Variants in CDKL4 observed in about 807,000 individuals in gnomAD.
The protein encoded by CDKL4 is cyclin dependent kinase like 4.
In CDKL4, 44 loss-of-function variants were observed where a neutral mutation model predicts 42.0. That is an observed-to-expected ratio of 1.05 (90% CI 0.82 to 1.35). The LOEUF (loss-of-function observed/expected upper bound fraction) is 1.35, where lower values mean the gene tolerates loss of function less well. CDKL4 is among the 40% of genes most tolerant of loss of function. The pLI is 0.00. For synonymous variants in CDKL4, 120 were observed against 121.6 expected (o/e 0.99, Z 0.09); for missense variants, 393 against 369.9 (o/e 1.06, Z -0.51).
intron 3 of CDKL4, among the ~76,000 whole-genome samples, chr2:39,219,537 T>TG (rs1678173939): frequency 1.3e-5 from 2 of 152,012 alleles, no homozygotes; most frequent in Non-Finnish European, 2.9e-5. Flanking sequence ...TCTCCTGCCT[T>TG]AGCCTCCTGA....
At chr2:39,196,670 TG>T (rs938345386) in intron 5 of CDKL4, among the ~76,000 whole-genome samples, 1 of 152,150 alleles carries the variant, frequency 6.6e-6, no homozygotes, top group Non-Finnish European at 1.5e-5. Context: ...TGCAGTGGTG[TG>T]ATCTTGGCTC....
At chr2:39,226,434 A>AATTATATATATATTATATATAT (rs1678720933) in intron 2 of CDKL4, among the ~76,000 whole-genome samples, 2 of 101,572 alleles carry the variant, frequency 2.0e-5, no homozygotes, top group Non-Finnish European at 4.3e-5. Context: ...TATTTATATA[A>AATTATATATATATTATATATAT]ATTATATATA....
chr2:39,226,096 G>T, intron 2 of CDKL4, 136 bp from the exon 3 acceptor site: 3 of 767,460 alleles, frequency 3.9e-6, no homozygotes, highest in African/African-American at 1.8e-5. Context: ...TAACAAAATT[G>T]CTTGAATCTC....
intron 5 of CDKL4, among the ~76,000 whole-genome samples, chr2:39,197,033 G>C (rs899135340): frequency 2.0e-5 from 3 of 152,128 alleles, no homozygotes; most frequent in Non-Finnish European, 2.9e-5. Context: ...GCCAATCAAG[G>C]AGGCACCAGA....
chr2:39,170,560 G>C, the CDKL4 span, among the ~76,000 whole-genome samples: 184 of 152,028 alleles, frequency 1.2e-3, no homozygotes, highest in African/African-American at 4.3e-3. Context: ...GGATTCAAGC[G>C]ATTCTCTTGC....
In CDKL4 at chr2:39,185,339, T is replaced by C. The variant is rs1204223499; in HGVS notation, c.736-692A>G. On this transcript the variant is annotated intron_variant, in intron 7 of 9. Transcript: ENST00000451199. Reference sequence around the variant, plus strand: ...ATACATATATATACACATATGTATATATATACACATATGTATATATACATA... The same window carrying C: ...ATACATATATATACACATATGTATACATATACACATATGTATATATACATA... 9.1e-5 allele frequency among the ~76,000 whole-genome samples: 10 copies of C among 109,452 alleles called. 1 individual carries two copies. Among genetic ancestry groups the C allele is most frequent in the Admixed American group, 7.5e-4 (7 of 9,350 alleles). 71.8% of individuals were successfully genotyped at this position (109,452 alleles called of 152,430 possible). A position where few individuals can be genotyped will look rare whatever the true frequency, so the allele number is the denominator to read the frequency against.
At chr2:39,212,273 G>T (rs185442800) in intron 4 of CDKL4, among the ~76,000 whole-genome samples, 4 of 148,144 alleles carry the variant, frequency 2.7e-5, no homozygotes, top group African/African-American at 1.0e-4. Flanking sequence ...TCACACTGTC[G>T]CCCAGGCTGG....
intron 5 of CDKL4, among the ~76,000 whole-genome samples, chr2:39,191,908 GC>G (rs1396866421): frequency 6.6e-6 from 1 of 152,192 alleles, no homozygotes; most frequent in Non-Finnish European, 1.5e-5. Context: ...GAGGTAATGG[GC>G]AATTCTCCTT....
intron 6 of CDKL4, among the ~76,000 whole-genome samples, chr2:39,188,807 A>T (rs79077027): frequency 0.018 from 2,698 of 152,062 alleles, 91 homozygotes; most frequent in African/African-American, 0.062. Flanking sequence ...CTTCCACCTT[A>T]GCCTCCCGAG....
At chr2:39,189,824 G>A (rs1676069451) in intron 6 of CDKL4, among the ~76,000 whole-genome samples, 1 of 152,158 alleles carries the variant, frequency 6.6e-6, no homozygotes, top group South Asian at 2.1e-4. Context: ...CACTACAATA[G>A]CAGAGTTGGG....
In CDKL4 at chr2:39,187,658, T is replaced by C. The variant is rs532880020; in HGVS notation, c.704A>G (p.His235Arg). 2.5e-5 allele frequency: 41 copies of C among 1,613,268 alleles called. No individual in the cohort carries two copies. In the South Asian group the frequency reaches 4.0e-4, roughly 16 times the overall value. The change falls in exon 7 of 10, where the codon CAT becomes CGT. Residue 235 changes from histidine to arginine, a missense_variant. Coordinates refer to ENST00000451199, the Ensembl canonical transcript of CDKL4. Reference sequence around the variant, plus strand: ...TTCTGGCTCAGGTATACTGATGCCATGGAAAAACCCGTTACTTTTAAAGAT... The same window carrying C: ...TTCTGGCTCAGGTATACTGATGCCACGGAAAAACCCGTTACTTTTAAAGAT...
chr2:39,180,491 A>C (rs1035787566), intron 8 of CDKL4, among the ~76,000 whole-genome samples: 1 of 151,550 alleles, frequency 6.6e-6, no homozygotes, highest in Admixed American at 6.5e-5. Flanking sequence ...TTGGCGAGGG[A>C]TCTGATTAGT....
chr2:39,204,053 A>G (rs1677012934), intron 5 of CDKL4, among the ~76,000 whole-genome samples: 1 of 152,190 alleles, frequency 6.6e-6, no homozygotes, highest in Non-Finnish European at 1.5e-5. Context: ...CTTGCCTGGA[A>G]TGATTTCCGT....
intron 7 of CDKL4, among the ~76,000 whole-genome samples, chr2:39,187,065 G>T (rs780183287): frequency 6.6e-6 from 1 of 152,048 alleles, no homozygotes; most frequent in Admixed American, 6.6e-5. Flanking sequence ...GAGGTGATTG[G>T]ATCATGACGG....
downstream of CDKL4, among the ~76,000 whole-genome samples, chr2:39,172,946 T>C (rs1335468120): frequency 6.6e-6 from 1 of 152,178 alleles, no homozygotes. Flanking sequence ...AGATGCTCTC[T>C]CCTGTCCCCT....
intron 5 of CDKL4, among the ~76,000 whole-genome samples, chr2:39,201,077 G>A (rs1289367191): frequency 6.6e-6 from 1 of 151,922 alleles, no homozygotes; most frequent in African/African-American, 2.4e-5. Flanking sequence ...ATCCAACAGA[G>A]GACTAATATC....
the CDKL4 span, among the ~76,000 whole-genome samples, chr2:39,168,872 T>G: frequency 6.6e-6 from 1 of 151,280 alleles, no homozygotes; most frequent in African/African-American, 2.4e-5. Flanking sequence ...TTCTCCTGCC[T>G]CAGCCTCCTG....
chr2:39,197,455 C>T (rs1190342375), intron 5 of CDKL4, among the ~76,000 whole-genome samples: 1 of 152,188 alleles, frequency 6.6e-6, no homozygotes, highest in Non-Finnish European at 1.5e-5. Flanking sequence ...GAGATCTAGA[C>T]ATCCAAATAC....
chr2:39,172,783 T>C (rs1003781893), downstream of CDKL4, among the ~76,000 whole-genome samples: 3 of 152,132 alleles, frequency 2.0e-5, no homozygotes, highest in Admixed American at 2.0e-4. Flanking sequence ...GGTTTTACCA[T>C]GTTGGCCAGA....
Sources: allele counts gnomAD v4.1 joint callset (sites outside exome capture counted in the v4.1 genomes callset), GRCh38; gene constraint gnomAD v4.1.1; transcripts MANE v1.5; gene names NCBI Gene and HGNC (gene_info 2026-07-23, HGNC 2026-07-21).